The following ZKSCAN3 variants were observed in gnomAD, a reference collection of about 807,000 sequenced individuals.
ZKSCAN3 encodes zinc finger with KRAB and SCAN domains 3.
A neutral mutation model predicts 30.7 loss-of-function variants in ZKSCAN3; 21 were observed. The observed-to-expected ratio is 0.68, with a 90% CI of 0.49 to 0.99. ZKSCAN3 has a LOEUF of 0.99. Among genes scored for constraint, ZKSCAN3 ranks in the 50% least tolerant of loss-of-function variants. The pLI, the probability that ZKSCAN3 is intolerant of heterozygous loss-of-function variation, is 0.00. For missense variants in ZKSCAN3, 507 were observed against 647.1 expected (o/e 0.78, Z 2.35); for synonymous variants, 201 against 246.7 (o/e 0.81, Z 1.73).
chr6:28,358,934 T>C (rs1765609438), intron 1 of ZKSCAN3, among the ~76,000 whole-genome samples: 1 of 150,778 alleles, frequency 6.6e-6, no homozygotes. Flanking sequence ...ATCAGCTTAT[T>C]TGTTCCAGTT....
rs546656963 is a variant in ZKSCAN3, at chr6:28,363,195, A to T, written c.551-108A>T. ...ATTGCAGCTTCAGACTCCTGGGCTCAATCAAGTGAGACAGGAATCTATTAA... is the reference window on the plus strand; with the variant it reads ...ATTGCAGCTTCAGACTCCTGGGCTCTATCAAGTGAGACAGGAATCTATTAA... On this transcript the variant is annotated intron_variant, in intron 3 of 5. Transcript: ENST00000252211. The T allele has an allele frequency of 2.2e-4, 219 of 987,538 alleles. No individual in the cohort carries two copies. The South Asian group carries it at 3.3e-3, about 15-fold the overall frequency. 61.2% of individuals were successfully genotyped at this position (987,538 alleles called of 1,614,324 possible).
rs1228998784 is a variant in ZKSCAN3, at chr6:28,361,342, G to A, written c.421G>A (p.Gly141Arg). Residue 141 changes from glycine (G) to arginine (R), a missense_variant, in exon 3 of 6, where the codon GGG (glycine) becomes AGG (arginine). Gly to Arg is a moderately radical substitution (Grantham distance 125, BLOSUM62 -2). Transcript: ENST00000252211. ...TTTCTAGGTTTCAGGTGTTGACCAG[G>A]GGCAAGAACTGCTCTGTTGCAAGAT... ...PAPQVSGVDQ[G>R]QELLCCKMAL... is the part of the protein sequence containing the mutation. 6 of 1,612,156 alleles carry A rather than the reference G, an allele frequency of 3.7e-6. No individual in the cohort carries two copies. In the African/African-American group the frequency reaches 4.0e-5, roughly 11 times the overall value.
In ZKSCAN3 at chr6:28,359,999, C is replaced by T. The variant is rs1765672533; in HGVS notation, c.402+11C>T. On this transcript the variant is annotated intron_variant, in intron 2 of 5. Coordinates refer to ENST00000252211, the MANE Select transcript of ZKSCAN3 (RefSeq NM_024493.4). ...GAGCCGGCGCCGCAGGTAGAAAGAA[C>T]AGGTTTAGTATCTGAGCGCTGTGGC... The T allele has an allele frequency of 6.2e-7, 1 of 1,614,038 alleles. No individual in the cohort carries two copies. The highest frequency in any genetic ancestry group is 8.5e-7 in the Non-Finnish European group (1 of 1,180,034).
In ZKSCAN3 at chr6:28,366,245, A is replaced by G; in HGVS notation, c.1577A>G (p.His526Arg). The G allele has an allele frequency of 1.3e-6, 2 of 1,551,208 alleles. No individual in the cohort carries two copies. Among genetic ancestry groups the G allele is most frequent in the Non-Finnish European group, 1.7e-6 (2 of 1,154,172 alleles). Residue 526 changes from histidine (H) to arginine (R), a missense_variant, in exon 6 of 6, where the codon CAT becomes CGT. His to Arg is a conservative substitution (Grantham distance 29, BLOSUM62 0). Transcript: ENST00000252211. ...GFTRISYLVQ[H>R]QRSHVGKNIL... ...ACCCGAATTTCATACCTTGTTCAAC[A>G]TCAGAGAAGCCATGTAGGGAAAAAC... is the stretch of plus-strand genomic sequence containing the variant.
intron 4 of ZKSCAN3, 90 bp downstream of exon 4, chr6:28,363,475 A>C (rs213228): frequency 0.32 from 429,997 of 1,330,832 alleles, 75,274 homozygotes; most frequent in African/African-American, 0.64. Context: ...CCTCCACCCC[A>C]ATCCTAGATC....
chr6:28,360,023 G>C (rs1390185855), intron 2 of ZKSCAN3, 35 bp downstream of exon 2: 2 of 1,614,000 alleles, frequency 1.2e-6, no homozygotes, highest in Non-Finnish European at 1.7e-6. Flanking sequence ...GAGCGCTGTG[G>C]CCTGTTTCCT....
intron 1 of ZKSCAN3, chr6:28,353,767 G>T (rs1474589): frequency 0.15 from 68,662 of 450,816 alleles, 6,306 homozygotes; most frequent in African/African-American, 0.27. Flanking sequence ...ATAGAGAAAA[G>T]AAAAGGTCAA....
intron 2 of ZKSCAN3, 151 bp from the exon 3 acceptor site, chr6:28,361,173 G>A (rs1200750678): frequency 2.4e-6 from 2 of 839,660 alleles, no homozygotes; most frequent in Middle Eastern, 3.5e-4. Flanking sequence ...CAGTAAAATG[G>A]GTATAATAAT....
chr6:28,363,247 G>A, intron 3 of ZKSCAN3, 56 bp from the exon 4 acceptor site: 1 of 1,471,060 alleles, frequency 6.8e-7, no homozygotes, highest in Non-Finnish European at 9.5e-7. Context: ...AGATTGCACA[G>A]GGCAGGGAGG....
At chr6:28,361,189 C>A in intron 2 of ZKSCAN3, 135 bp from the exon 3 acceptor site, 3 of 952,362 alleles carry the variant, frequency 3.2e-6, no homozygotes, top group Non-Finnish European at 4.7e-6. Context: ...ATAATAATAC[C>A]TCCCTTATAA....
At chr6:28,360,209 C>A in intron 2 of ZKSCAN3, 1 of 782,400 alleles carries the variant, frequency 1.3e-6, no homozygotes, top group East Asian at 2.8e-5. Context: ...GCAGTCATAT[C>A]AACATACAGT....
intron 1 of ZKSCAN3, among the ~76,000 whole-genome samples, chr6:28,358,661 A>G (rs1351918731): frequency 6.6e-6 from 1 of 152,056 alleles, no homozygotes; most frequent in Non-Finnish European, 1.5e-5. Flanking sequence ...GCCGAGGCAG[A>G]TCTTTTGAGG....
At chr6:28,358,660 G>A (rs1458604576) in intron 1 of ZKSCAN3, among the ~76,000 whole-genome samples, 1 of 152,078 alleles carries the variant, frequency 6.6e-6, no homozygotes, top group Middle Eastern at 3.2e-3. Context: ...GGCCGAGGCA[G>A]ATCTTTTGAG....
intron 1 of ZKSCAN3, among the ~76,000 whole-genome samples, chr6:28,354,970 G>C (rs1337468409): frequency 6.6e-6 from 1 of 152,176 alleles, no homozygotes; most frequent in Non-Finnish European, 1.5e-5. Flanking sequence ...CAGTTTATTA[G>C]CTACTTTGTC....
At chr6:28,361,203 T>C in intron 2 of ZKSCAN3, 121 bp from the exon 3 acceptor site, 2 of 1,077,964 alleles carry the variant, frequency 1.9e-6, no homozygotes, top group Non-Finnish European at 2.7e-6. Context: ...CTTATAAGAT[T>C]GTTGTTTTCT....
rs763697463 is a variant in ZKSCAN3 at position 28,365,449 on chromosome 6, A to G, written c.781A>G (p.Arg261Gly). ...SLGDEKQTKS[R>G]DLPPAEELPE... The stretch of plus-strand genomic sequence containing the variant: ...AGGTGATGAAAAACAGACTAAGAGC[A>G]GGGACTTGCCTCCAGCTGAGGAGCT... Residue 261 changes from arginine to glycine, a missense_variant, in exon 6 of 6, where the codon AGG becomes GGG. Arg to Gly is a moderately radical substitution (Grantham distance 125, BLOSUM62 -2). Transcript: ENST00000252211. 1.9e-5 allele frequency: 30 copies of G among 1,612,132 alleles called. No individual in the cohort carries two copies. The highest frequency in any genetic ancestry group is 2.2e-5 in the Non-Finnish European group (26 of 1,179,150).
chr6:28,364,513 T>C (rs1443313399), intron 5 of ZKSCAN3, among the ~76,000 whole-genome samples: 1 of 152,206 alleles, frequency 6.6e-6, no homozygotes, highest in African/African-American at 2.4e-5. Flanking sequence ...ACATTGACTA[T>C]AGACCCTGAC....
chr6:28,361,447 G>A lies in ZKSCAN3; in HGVS notation c.526G>A (p.Gly176Arg). ...MKALLKHESV[G>R]SQPLQDRVLQ... ...GGCTCTGCTCAAGCATGAATCTGTGGGATCCCAGCCTTTACAAGATAGAGG... is the reference window on the plus strand; with the variant it reads ...GGCTCTGCTCAAGCATGAATCTGTGAGATCCCAGCCTTTACAAGATAGAGG... The change falls in exon 3 of 6, where the codon GGA (glycine) becomes AGA (arginine). Residue 176 changes from glycine (G) to arginine (R), a missense_variant. By Grantham distance (125) the Gly-to-Arg change is moderately radical. Coordinates refer to ENST00000252211, the MANE Select transcript of ZKSCAN3 (RefSeq NM_024493.4). 6.2e-7 allele frequency: 1 copy of A among 1,613,220 alleles called. No homozygotes were observed. The highest frequency in any genetic ancestry group is 1.1e-5 in the South Asian group (1 of 90,818).
Position 28,359,870 on chromosome 6 carries a change from T to C in ZKSCAN3, c.284T>C (p.Leu95Pro). 1 of 1,614,006 alleles carries C rather than the reference T, an allele frequency of 6.2e-7. No individual in the cohort carries two copies. The highest frequency in any genetic ancestry group is 1.3e-5 in the African/African-American group (1 of 74,948). ...GAGCTGCTGGTGCTGGAGCAGTTCC[T>C]GACCATCCTGCCGGGGAATCTGCAG... ...ILELLVLEQF[L>P]TILPGNLQSW... Residue 95 changes from leucine to proline, a missense_variant, in exon 2 of 6, where the codon CTG becomes CCG. Coordinates refer to ENST00000252211, the MANE Select transcript of ZKSCAN3 (RefSeq NM_024493.4).
Sources: allele counts gnomAD v4.1 joint callset (sites outside exome capture counted in the v4.1 genomes callset), GRCh38; gene constraint gnomAD v4.1.1; transcripts MANE v1.5; gene names NCBI Gene and HGNC (gene_info 2026-07-23, HGNC 2026-07-21).